GPC5: variants seen among roughly 807,000 people sequenced by gnomAD.
GPC5 encodes glypican 5.
In GPC5, 47 loss-of-function variants were observed where a neutral mutation model predicts 53.9. The ratio of observed to expected loss-of-function variants is 0.87; its 90% CI spans 0.69 to 1.11. The LOEUF (loss-of-function observed/expected upper bound fraction) is 1.11. GPC5 is among the 50% of genes most tolerant of loss of function. The pLI, the probability that GPC5 is intolerant of heterozygous loss-of-function variation, is 0.00. For synonymous variants in GPC5, 286 were observed against 263.3 expected (o/e 1.09, Z -0.84); for missense variants, 748 against 713.1 (o/e 1.05, Z -0.56).
At chr13:92,672,722 T>A (rs1195904165) in intron 7 of GPC5, among the ~76,000 whole-genome samples, 1 of 152,166 alleles carries the variant, frequency 6.6e-6, no homozygotes, top group Admixed American at 6.5e-5. Flanking sequence ...ACAGAGACCA[T>A]GTCTTTTGCA....
chr13:92,744,857 T>A (rs1275366411), intron 7 of GPC5, among the ~76,000 whole-genome samples: 3 of 152,014 alleles, frequency 2.0e-5, no homozygotes, highest in Non-Finnish European at 2.9e-5. Context: ...GATGGCCAGA[T>A]GGATAGATAG....
intron 7 of GPC5, among the ~76,000 whole-genome samples, chr13:92,599,825 A>T (rs1241382296): frequency 2.2e-5 from 3 of 135,304 alleles, no homozygotes; most frequent in Non-Finnish European, 5.0e-5. Context: ...GTAAAAAAAA[A>T]TTATTCTGGT....
At chr13:91,971,453 G>C (rs1566370881) in intron 6 of GPC5, among the ~76,000 whole-genome samples, 1 of 152,118 alleles carries the variant, frequency 6.6e-6, no homozygotes, top group African/African-American at 2.4e-5. Flanking sequence ...GAGATTTTGT[G>C]TCTCTGTTTC....
chr13:92,776,013 G>A (rs573142879), intron 7 of GPC5, among the ~76,000 whole-genome samples: 109 of 152,292 alleles, frequency 7.2e-4, no homozygotes, highest in African/African-American at 2.6e-3. Flanking sequence ...GTTTCCTACA[G>A]GCGCTGTAAG....
intron 1 of GPC5, among the ~76,000 whole-genome samples, chr13:91,410,612 C>T (rs927927214): frequency 6.6e-6 from 1 of 151,936 alleles, no homozygotes; most frequent in African/African-American, 2.4e-5. Context: ...TCCCAAAGAG[C>T]TGGGATTACA....
At chr13:92,779,980 T>G (rs2138760403) in intron 7 of GPC5, among the ~76,000 whole-genome samples, 1 of 152,278 alleles carries the variant, frequency 6.6e-6, no homozygotes, top group South Asian at 2.1e-4. Flanking sequence ...AGTTGAAAGT[T>G]AAGACTGTGA....
chr13:92,467,441 C>G (rs1878741156), intron 7 of GPC5, among the ~76,000 whole-genome samples: 1 of 151,940 alleles, frequency 6.6e-6, no homozygotes, highest in Admixed American at 6.6e-5. Context: ...TAGGCTTATT[C>G]CTAAACACAA....
At chr13:92,801,137 G>T (rs1876889517) in intron 7 of GPC5, among the ~76,000 whole-genome samples, 1 of 151,688 alleles carries the variant, frequency 6.6e-6, no homozygotes, top group African/African-American at 2.4e-5. Flanking sequence ...TGTAGTGTGT[G>T]TGTGTATAAT....
At chr13:92,043,721 G>A (rs541076734) in intron 6 of GPC5, among the ~76,000 whole-genome samples, 1 of 152,264 alleles carries the variant, frequency 6.6e-6, no homozygotes, top group South Asian at 2.1e-4. Flanking sequence ...GAATAATTTA[G>A]GGAGCTAAGA....
intron 7 of GPC5, among the ~76,000 whole-genome samples, chr13:92,855,409 A>G (rs1878964226): frequency 6.6e-6 from 1 of 152,054 alleles, no homozygotes; most frequent in Non-Finnish European, 1.5e-5. Context: ...CAAACATGTT[A>G]GAATAAACAA....
intron 7 of GPC5, among the ~76,000 whole-genome samples, chr13:92,717,241 C>T (rs960176950): frequency 6.6e-6 from 1 of 152,048 alleles, no homozygotes; most frequent in Non-Finnish European, 1.5e-5. Flanking sequence ...TGTTATCTTC[C>T]ATTGACAAGA....
At chr13:92,843,857 G>GAGT (rs1294305487) in intron 7 of GPC5, among the ~76,000 whole-genome samples, 1 of 152,052 alleles carries the variant, frequency 6.6e-6, no homozygotes, top group Non-Finnish European at 1.5e-5. Flanking sequence ...CATCTCTACA[G>GAGT]AGTAACAGTG....
At chr13:92,514,073 T>TA (rs199754427) in intron 7 of GPC5, among the ~76,000 whole-genome samples, 2,192 of 151,732 alleles carry the variant, frequency 0.014, 59 homozygotes, top group African/African-American at 0.05. Context: ...GGAGTAAGGC[T>TA]AAAAAAATAT....
chr13:92,573,691 G>A (rs1178829677), intron 7 of GPC5, among the ~76,000 whole-genome samples: 1 of 152,156 alleles, frequency 6.6e-6, no homozygotes, highest in Non-Finnish European at 1.5e-5. Flanking sequence ...CAGAGCATGT[G>A]TGAAGACAAC....
chr13:92,233,494 C>T (rs1216751601), intron 7 of GPC5, among the ~76,000 whole-genome samples: 1 of 152,130 alleles, frequency 6.6e-6, no homozygotes, highest in Admixed American at 6.6e-5. Flanking sequence ...AATATATTCT[C>T]TTTCTACCTC....
intron 2 of GPC5, among the ~76,000 whole-genome samples, chr13:91,450,743 T>TA (rs1407229291): frequency 6.6e-6 from 1 of 152,174 alleles, no homozygotes; most frequent in Non-Finnish European, 1.5e-5. Context: ...AAATTAATTA[T>TA]AAAAAATATA....
chr13:92,221,250 T>C (rs1209199709), intron 7 of GPC5, among the ~76,000 whole-genome samples: 1 of 152,186 alleles, frequency 6.6e-6, no homozygotes, highest in Non-Finnish European at 1.5e-5. Context: ...TCTTAGAATG[T>C]TTCCATTATT....
chr13:92,745,559 T>C (rs1162778905), intron 7 of GPC5, among the ~76,000 whole-genome samples: 1 of 152,118 alleles, frequency 6.6e-6, no homozygotes, highest in Non-Finnish European at 1.5e-5. Context: ...CCAGATGGCA[T>C]TGCCTTTCTG....
intron 2 of GPC5, among the ~76,000 whole-genome samples, chr13:91,654,958 T>A (rs1454982407): frequency 6.6e-6 from 1 of 152,162 alleles, no homozygotes; most frequent in South Asian, 2.1e-4. Context: ...TTCTTATGTA[T>A]TTTTCTCCTA....
Sources: gnomAD v4.1 joint callset for allele counts (sites outside exome capture counted in the v4.1 genomes callset) on GRCh38, gnomAD v4.1.1 for gene constraint, MANE v1.5 for transcripts, NCBI Gene and HGNC (gene_info 2026-07-23, HGNC 2026-07-21) for gene names.